The following CALN1 variants were observed in gnomAD, a reference collection of about 807,000 sequenced individuals.
CALN1 encodes calneuron 1.
CALN1 carries 17 observed loss-of-function variants against 30.6 expected under a neutral mutation model. That is an observed-to-expected ratio of 0.56 (90% CI 0.38 to 0.83). The LOEUF is 0.83. CALN1 is among the 40% of genes least tolerant of loss of function. CALN1 has a pLI of 0.00. For missense variants in CALN1, 291 were observed against 354.9 expected (o/e 0.82, Z 1.45); for synonymous variants, 156 against 131.4 (o/e 1.19, Z -1.28).
intron 5 of CALN1, among the ~76,000 whole-genome samples, chr7:71,863,765 A>C (rs1241060909): frequency 6.6e-6 from 1 of 152,128 alleles, no homozygotes; most frequent in Non-Finnish European, 1.5e-5. Context: ...GCAATCCTCT[A>C]GCCTGTCTAC....
intron 4 of CALN1, among the ~76,000 whole-genome samples, chr7:72,042,133 C>T (rs1298591639): frequency 6.6e-6 from 1 of 152,092 alleles, no homozygotes; most frequent in Non-Finnish European, 1.5e-5. Flanking sequence ...GGACTGAAGG[C>T]TTTCAGATGG....
intron 3 of CALN1, among the ~76,000 whole-genome samples, chr7:72,122,399 T>C (rs1410193027): frequency 6.6e-6 from 1 of 152,122 alleles, no homozygotes; most frequent in South Asian, 2.1e-4. Context: ...CTCTCAGGCA[T>C]GGCACCACCT....
the CALN1 span, among the ~76,000 whole-genome samples, chr7:72,478,249 T>C: frequency 6.8e-6 from 1 of 148,046 alleles, no homozygotes; most frequent in Non-Finnish European, 1.5e-5. Flanking sequence ...ATATATGTTA[T>C]ATATTATATA....
intron 2 of CALN1, among the ~76,000 whole-genome samples, chr7:72,312,744 A>C (rs986013945): frequency 2.6e-5 from 4 of 152,238 alleles, no homozygotes; most frequent in Non-Finnish European, 5.9e-5. Context: ...CTAGAAAAAT[A>C]GTGACCACAA....
At chr7:71,879,812 G>C (rs1172454812) in intron 5 of CALN1, among the ~76,000 whole-genome samples, 3 of 152,168 alleles carry the variant, frequency 2.0e-5, no homozygotes, top group Admixed American at 6.5e-5. Context: ...ATGGAAAGAG[G>C]CTCCTCAAAC....
intron 3 of CALN1, among the ~76,000 whole-genome samples, chr7:72,204,735 T>C (rs1791703729): frequency 6.6e-6 from 1 of 152,132 alleles, no homozygotes; most frequent in South Asian, 2.1e-4. Context: ...TTTAGAACAA[T>C]CCCTGCAACA....
chr7:72,106,388 C>T, intron 3 of CALN1, 94 bp from the exon 4 acceptor site: 2 of 1,448,172 alleles, frequency 1.4e-6, no homozygotes, highest in Non-Finnish European at 1.9e-6. Flanking sequence ...CTCCTAACTG[C>T]TTTAAAAACA....
rs117054530 is a variant in CALN1, at chr7:71,927,880, G to A, written c.501+95777C>T. On this transcript the variant is annotated intron_variant, in intron 5 of 6. Transcript: ENST00000395275. ...GCCCTTGTGAACGGGAGAGTTTCTT[G>A]CTCTTCCCCCAGTGGTAGGAGATCT... Among the ~76,000 whole-genome samples the A allele has an allele frequency of 9.7e-3, 1,474 of 152,234 alleles. 8 individuals carry two copies. Among genetic ancestry groups the A allele is most frequent in the Non-Finnish European group, 0.015 (1,006 of 68,020 alleles).
rs1433346518 is a variant in CALN1, at chr7:72,278,754, A to C, written c.176T>G (p.Leu59Arg). 2 of 1,614,090 alleles carry C rather than the reference A, an allele frequency of 1.2e-6. No individual in the cohort carries two copies. Among genetic ancestry groups the C allele is most frequent in the African/African-American group, 1.3e-5 (1 of 75,054 alleles). Residue 59 changes from leucine (L) to arginine (R), a missense_variant, in exon 3 of 7, where the codon CTC (leucine) becomes CGC (arginine). Coordinates refer to ENST00000395275, the MANE Select transcript of CALN1 (RefSeq NM_031468.4). The part of the protein sequence containing the change: ...TAGLLYKGNY[L>R]NRSLSAGSDS... ...ACTGCCAGCAGAGAGCGATCGGTTG[A>C]GGTAATTCCCCTTGTACAACAAGCC...
chr7:72,427,810 A>T (rs1290656874), intron 1 of CALN1, among the ~76,000 whole-genome samples: 2 of 152,082 alleles, frequency 1.3e-5, no homozygotes. Flanking sequence ...GAGCAAAAAC[A>T]GATCACATCA....
chr7:72,224,654 G>A (rs1258037514), intron 3 of CALN1, among the ~76,000 whole-genome samples: 1 of 151,958 alleles, frequency 6.6e-6, no homozygotes, highest in Non-Finnish European at 1.5e-5. Context: ...GGTGGCCAGT[G>A]CCTGTAATCC....
At chr7:72,444,487 G>T (rs1264861244) in intron 1 of CALN1, among the ~76,000 whole-genome samples, 2 of 152,184 alleles carry the variant, frequency 1.3e-5, no homozygotes, top group Non-Finnish European at 2.9e-5. Flanking sequence ...TGAAGGTTAT[G>T]TGTCCACAGA....
At chr7:72,422,946 C>T (rs1025625465) in intron 1 of CALN1, among the ~76,000 whole-genome samples, 15 of 152,100 alleles carry the variant, frequency 9.9e-5, no homozygotes, top group East Asian at 3.9e-4. Context: ...CTGGCCAACA[C>T]GGCGAAACCT....
chr7:71,836,618 G>C (rs868336864), intron 5 of CALN1, among the ~76,000 whole-genome samples: 3 of 128,120 alleles, frequency 2.3e-5, no homozygotes, highest in African/African-American at 1.0e-4. Context: ...ATTTCTCTCT[G>C]TCTCTTTTTT....
In CALN1 at chr7:71,956,885, T is replaced by C. The variant is rs541815410; in HGVS notation, c.501+66772A>G. On this transcript the variant is annotated intron_variant, in intron 5 of 6. Coordinates refer to ENST00000395275, the MANE Select transcript of CALN1 (RefSeq NM_031468.4). The stretch of plus-strand genomic sequence containing the variant: ...CTAATTTATGTATTTTTAGTGGAGG[T>C]GAGGTTTCACCATGTTGGCCAGTCT... Among the ~76,000 whole-genome samples, 19 of 151,378 alleles carry C rather than the reference T, an allele frequency of 1.3e-4. No homozygotes were observed. The East Asian group carries it at 2.4e-3, about 19-fold the overall frequency.
At chr7:72,447,693 A>G (rs1808569915), upstream of CALN1, among the ~76,000 whole-genome samples, 1 of 151,506 alleles carries the variant, frequency 6.6e-6, no homozygotes, top group Admixed American at 6.6e-5. Flanking sequence ...TGCCTATTAT[A>G]CATACGTGCC....
chr7:71,968,436 C>T (rs1797633430), intron 5 of CALN1, among the ~76,000 whole-genome samples: 1 of 152,060 alleles, frequency 6.6e-6, no homozygotes, highest in African/African-American at 2.4e-5. Flanking sequence ...CAGAAATACT[C>T]TCTTTTATTT....
intron 3 of CALN1, among the ~76,000 whole-genome samples, chr7:72,270,339 T>C (rs1205092877): frequency 6.6e-6 from 1 of 152,006 alleles, no homozygotes; most frequent in Non-Finnish European, 1.5e-5. Context: ...AATAAATAAA[T>C]TCTAAATAAA....
chr7:72,021,529 G>A (rs980247788), intron 5 of CALN1, among the ~76,000 whole-genome samples: 3 of 152,258 alleles, frequency 2.0e-5, no homozygotes, highest in South Asian at 4.2e-4. Flanking sequence ...AAGGTTCCAT[G>A]AGCACTGCAA....
Sources: gnomAD v4.1 joint callset for allele counts (sites outside exome capture counted in the v4.1 genomes callset) on GRCh38, gnomAD v4.1.1 for gene constraint, MANE v1.5 for transcripts, NCBI Gene and HGNC (gene_info 2026-07-23, HGNC 2026-07-21) for gene names.